Variants in RNF111 observed in about 807,000 individuals in gnomAD.
The protein encoded by RNF111 is E3 ubiquitin-protein ligase Arkadia.
Under a neutral mutation model 95.1 loss-of-function variants are expected in RNF111, and 17 were observed. The ratio of observed to expected loss-of-function variants is 0.18; its 90% confidence interval spans 0.12 to 0.27. The LOEUF (loss-of-function observed/expected upper bound fraction) is 0.27. RNF111 is among the 10% of genes least tolerant of loss of function. The probability of loss-of-function intolerance (pLI) is 1.00; values close to 1 mark genes in which losing one functional copy is unlikely to be tolerated. For synonymous variants in RNF111, 440 were observed against 414.8 expected (o/e 1.06, Z -0.74); for missense variants, 1,189 against 1,210.4 (o/e 0.98, Z 0.26).
intron 2 of RNF111, among the ~76,000 whole-genome samples, chr15:59,038,683 A>G (rs1453624597): frequency 6.6e-6 from 1 of 152,116 alleles, no homozygotes; most frequent in Non-Finnish European, 1.5e-5. Context: ...ACTCATAGAC[A>G]CTTCAACACA....
intron 2 of RNF111, among the ~76,000 whole-genome samples, chr15:59,047,832 C>G (rs553846837): frequency 6.6e-6 from 1 of 152,220 alleles, no homozygotes; most frequent in African/African-American, 2.4e-5. Context: ...GCCTCGGTCT[C>G]CCAAAGTGCT....
At chr15:59,085,839 G>A (rs1291943031) in intron 10 of RNF111, 54 bp downstream of exon 10, 2 of 1,469,372 alleles carry the variant, frequency 1.4e-6, no homozygotes, top group African/African-American at 1.4e-5. Flanking sequence ...CCTTTTCTAA[G>A]TATTTTATTG....
intron 11 of RNF111, 55 bp from the exon 12 acceptor site, chr15:59,091,004 T>G (rs1448609413): frequency 9.6e-7 from 1 of 1,044,496 alleles, no homozygotes; most frequent in Non-Finnish European, 1.5e-6. Flanking sequence ...TTGACAGTTC[T>G]GTTCAAGGAA....
chr15:59,039,512 G>A (rs554658224), intron 2 of RNF111, among the ~76,000 whole-genome samples: 1 of 152,150 alleles, frequency 6.6e-6, no homozygotes, highest in South Asian at 2.1e-4. Context: ...TATATTTGAT[G>A]GGTTTCAGTT....
rs561694411 is a variant in RNF111 at position 59,047,324 on chromosome 15, A to G, written c.881-4981A>G. Among the ~76,000 whole-genome samples the G allele has an allele frequency of 6.8e-4, 104 of 152,146 alleles. 2 individuals carry two copies. In the South Asian group the frequency reaches 0.021, roughly 30 times the overall value. On this transcript the variant is annotated intron_variant, in intron 2 of 13. Transcript: ENST00000348370. ...CAGCCTGAGCAACATATGAGATCTCATTTGTATGAAAAATTTAAAAATTAG... is the reference window on the plus strand; with the variant it reads ...CAGCCTGAGCAACATATGAGATCTCGTTTGTATGAAAAATTTAAAAATTAG...
chr15:59,034,001 A>T (rs1242735530), intron 2 of RNF111, among the ~76,000 whole-genome samples: 1 of 152,254 alleles, frequency 6.6e-6, no homozygotes, highest in African/African-American at 2.4e-5. Context: ...TCAATTAAGT[A>T]TAAAATAGAA....
At chr15:59,012,756 T>C (rs1351664930) in intron 1 of RNF111, among the ~76,000 whole-genome samples, 23 of 151,626 alleles carry the variant, frequency 1.5e-4, no homozygotes, top group African/African-American at 5.6e-4. Flanking sequence ...TTTTTTTTTT[T>C]GAGACAGAGT....
chr15:59,064,094 A>G (rs1327106276), intron 5 of RNF111, among the ~76,000 whole-genome samples: 1 of 152,210 alleles, frequency 6.6e-6, no homozygotes, highest in Admixed American at 6.5e-5. Flanking sequence ...TGGGTTCAGC[A>G]TAGCCCTAAA....
rs147189555 is a variant in RNF111 at position 59,076,158 on chromosome 15, C to T, written c.1891C>T (p.Pro631Ser). 1.4e-5 allele frequency: 23 copies of T among 1,613,758 alleles called. No individual in the cohort carries two copies. In the African/African-American group the frequency reaches 2.5e-4, roughly 18 times the overall value. Reference sequence around the variant, plus strand: ...ATCAAGCATGGTTGCGCAGCCCCAGCCCCAGCCCCCTCCACAGCCCTCTCT... The same window carrying T: ...ATCAAGCATGGTTGCGCAGCCCCAGTCCCAGCCCCCTCCACAGCCCTCTCT... ...YGSSMVAQPQ[P>S]QPPPQPSLSS... Residue 631 changes from proline to serine, a missense_variant, in exon 7 of 14, where the codon CCC becomes TCC. Pro to Ser is a moderately conservative substitution (Grantham distance 74). This residue lies in a region of RNF111 where 1,024 missense variants were observed against 925.9 expected (regional missense o/e 1.11). Transcript: ENST00000348370.
Position 59,084,378 on chromosome 15 carries a change from C to G in RNF111, c.2423+124C>G, listed in dbSNP as rs568364857. On this transcript the variant is annotated intron_variant, in intron 9 of 13. Coordinates refer to ENST00000348370, the MANE Select transcript of RNF111 (RefSeq NM_017610.8). The stretch of plus-strand genomic sequence containing the variant: ...TGGAGAAACCTAATCCCCAGTTTAA[C>G]TGAGACACTGCCTCTGGGCAGATAG... 56 of 933,052 alleles carry G rather than the reference C, an allele frequency of 6.0e-5. 1 individual carries two copies. In the East Asian group the frequency reaches 8.5e-4, roughly 14 times the overall value. 57.8% of individuals were successfully genotyped at this position (933,052 alleles called of 1,614,324 possible). A position where few individuals can be genotyped will look rare whatever the true frequency, so the allele number is the denominator to read the frequency against.
In RNF111 at chr15:59,066,879, C is replaced by A; in HGVS notation, c.1482C>A (p.His494Gln). 1 of 1,614,070 alleles carries A rather than the reference C, an allele frequency of 6.2e-7. No homozygotes were observed. The highest frequency in any genetic ancestry group is 1.3e-5 in the African/African-American group (1 of 74,982). Residue 494 changes from histidine to glutamine, a missense_variant, in exon 6 of 14, where the codon CAC becomes CAA. Physicochemically the swap from His to Gln is conservative, Grantham distance 24. This residue lies in a region of RNF111 where 1,024 missense variants were observed against 925.9 expected (regional missense o/e 1.11). Transcript: ENST00000348370. ...CATGTGGAGGGTCGTCACAGAACCA[C>A]CATGCATTAGGACATCCTCATACAA... is the stretch of plus-strand genomic sequence containing the variant. ...HSPCGGSSQN[H>Q]HALGHPHTSC...
At position 59,012,171 on chromosome 15, in the gene RNF111, T is replaced by G. The variant is rs552274233; in HGVS notation, c.-19-18633T>G. On this transcript the variant is annotated intron_variant, in intron 1 of 13. Coordinates refer to ENST00000348370, the MANE Select transcript of RNF111 (RefSeq NM_017610.8). Reference sequence around the variant, plus strand: ...GTAGCTGGGATTACAGGCATGCATCTCCACACCCGGCTGATTTTTGTATTT... The same window carrying G: ...GTAGCTGGGATTACAGGCATGCATCGCCACACCCGGCTGATTTTTGTATTT... Among the ~76,000 whole-genome samples the G allele has an allele frequency of 6.3e-4, 95 of 151,894 alleles. 1 individual carries two copies. The highest frequency in any genetic ancestry group is 2.2e-3 in the African/African-American group (91 of 41,458).
At chr15:59,080,252 C>T (rs1292374479) in intron 7 of RNF111, among the ~76,000 whole-genome samples, 2 of 151,310 alleles carry the variant, frequency 1.3e-5, no homozygotes, top group Admixed American at 1.3e-4. Context: ...TCCCTAGTAG[C>T]TGGGATTACA....
chr15:59,074,963 G>A (rs573572918), intron 6 of RNF111, among the ~76,000 whole-genome samples: 2 of 152,348 alleles, frequency 1.3e-5, no homozygotes, highest in East Asian at 3.9e-4. Context: ...GGCCCAAAGA[G>A]AGGAGAGCAG....
intron 6 of RNF111, among the ~76,000 whole-genome samples, chr15:59,073,396 G>T (rs1448511249): frequency 6.6e-6 from 1 of 151,762 alleles, no homozygotes; most frequent in Non-Finnish European, 1.5e-5. Flanking sequence ...TAAGATAATT[G>T]CCTGAACCTG....
chr15:58,994,784 A>G (rs1178593150), intron 1 of RNF111, among the ~76,000 whole-genome samples: 1 of 152,096 alleles, frequency 6.6e-6, no homozygotes, highest in African/African-American at 2.4e-5. Context: ...TTCTCTCTTG[A>G]ATCATTTAAA....
intron 1 of RNF111, among the ~76,000 whole-genome samples, chr15:59,022,719 A>G (rs1226918410): frequency 6.6e-6 from 1 of 152,246 alleles, no homozygotes; most frequent in African/African-American, 2.4e-5. Flanking sequence ...AAATGCAACC[A>G]AAAGACTCAC....
At position 59,081,247 on chromosome 15, in the gene RNF111, A is replaced by T; in HGVS notation, c.2260A>T (p.Met754Leu). Residue 754 changes from methionine to leucine, a missense_variant, in exon 8 of 14, where the codon ATG (methionine) becomes TTG (leucine). Coordinates refer to ENST00000348370, the MANE Select transcript of RNF111 (RefSeq NM_017610.8). ...GCATCCTCATGAAGTGATGCAGAGG[A>T]TGGAAGTTCAAAGGAGGAGGATGAT... ...RLHPHEVMQR[M>L]EVQRRRMMQH... is the part of the protein sequence containing the mutation. 1 of 1,614,162 alleles carries T rather than the reference A, an allele frequency of 6.2e-7. No individual in the cohort carries two copies. Among genetic ancestry groups the T allele is most frequent in the South Asian group, 1.1e-5 (1 of 91,080 alleles).
rs71425836 is a variant in RNF111 at position 59,012,003 on chromosome 15, C to CTTTTTTTTTTTTTTTTTTTTTTTTT, written c.-19-18796_-19-18772dup. The stretch of plus-strand genomic sequence containing the variant: ...TTAGTGTTCTTTTTTGTTTGTTTGC[C>CTTTTTTTTTTTTTTTTTTTTTTTTT]TTTTTTTTTTTTTTTTTTTTTTTTT... On this transcript the variant is annotated intron_variant, in intron 1 of 13. Transcript: ENST00000348370. 1.5e-4 allele frequency among the ~76,000 whole-genome samples: 6 copies of CTTTTTTTTTTTTTTTTTTTTTTTTT among 40,450 alleles called. 1 individual carries two copies. Among genetic ancestry groups the CTTTTTTTTTTTTTTTTTTTTTTTTT allele is most frequent in the African/African-American group, 2.5e-4 (3 of 12,118 alleles). 26.5% of individuals were successfully genotyped at this position (40,450 alleles called of 152,430 possible).
Sources: allele counts gnomAD v4.1 joint callset (sites outside exome capture counted in the v4.1 genomes callset), GRCh38; gene constraint gnomAD v4.1.1; regional missense constraint gnomAD v4.1.1; transcripts MANE v1.5; gene names NCBI Gene and HGNC (gene_info 2026-07-23, HGNC 2026-07-21).